The following RAB8B variants were observed in gnomAD, a reference collection of about 807,000 sequenced individuals.
The protein encoded by RAB8B is ras-related protein Rab-8B.
In RAB8B, 11 loss-of-function variants were observed where a neutral mutation model predicts 32.0. The ratio of observed to expected loss-of-function variants is 0.34; its 90% CI spans 0.22 to 0.57. The LOEUF (loss-of-function observed/expected upper bound fraction) is 0.57. Ranked by LOEUF, RAB8B falls within the 20% of genes least tolerant of loss-of-function variation. The pLI, the probability that RAB8B is intolerant of heterozygous loss-of-function variation, is 0.86. For missense variants in RAB8B, 190 were observed against 258.5 expected (o/e 0.73, Z 1.82); for synonymous variants, 103 against 89.6 (o/e 1.15, Z -0.85).
chr15:63,217,320 A>T (rs2037801329), intron 1 of RAB8B, among the ~76,000 whole-genome samples: 1 of 152,206 alleles, frequency 6.6e-6, no homozygotes, highest in South Asian at 2.1e-4. Context: ...CTTTACATTT[A>T]AAAATATTGA....
intron 1 of RAB8B, among the ~76,000 whole-genome samples, chr15:63,219,538 G>A (rs2037826073): frequency 6.6e-6 from 1 of 151,712 alleles, no homozygotes; most frequent in Non-Finnish European, 1.5e-5. Flanking sequence ...ACATGTAAGA[G>A]TAACAAGGAG....
chr15:63,208,759 A>C (rs1023705533), intron 1 of RAB8B, among the ~76,000 whole-genome samples: 1 of 151,666 alleles, frequency 6.6e-6, no homozygotes, highest in African/African-American at 2.4e-5. Context: ...CCCCCAACCC[A>C]ACCACCAAGA....
intron 6 of RAB8B, among the ~76,000 whole-genome samples, chr15:63,260,076 C>T (rs890818395): frequency 1.3e-5 from 2 of 152,096 alleles, no homozygotes; most frequent in African/African-American, 4.8e-5. Flanking sequence ...CTCGTGATCC[C>T]CTCTCCTTGG....
At chr15:63,223,708 T>A (rs1308726566) in intron 1 of RAB8B, 1 of 255,418 alleles carries the variant, frequency 3.9e-6, no homozygotes, top group Non-Finnish European at 8.2e-6. Context: ...TTGTACTGGT[T>A]GTTAAGTGAC....
In RAB8B at chr15:63,263,658, C is replaced by T; in HGVS notation, c.*39C>T. The T allele has an allele frequency of 6.7e-7, 1 of 1,501,106 alleles. No individual in the cohort carries two copies. Among genetic ancestry groups the T allele is most frequent in the Non-Finnish European group, 9.3e-7 (1 of 1,078,904 alleles). 93.0% of individuals were successfully genotyped at this position (1,501,106 alleles called of 1,614,324 possible). Reference sequence around the variant, plus strand: ...AGAGACTGCAGCACACCTAGAGGGCCCTTTCCTGCTTCTCTGAAAGCACAG... The same window carrying T: ...AGAGACTGCAGCACACCTAGAGGGCTCTTTCCTGCTTCTCTGAAAGCACAG... On this transcript the variant is annotated 3_prime_UTR_variant, in exon 8 of 8. Transcript: ENST00000321437.
chr15:63,213,472 T>C (rs1050750001), intron 1 of RAB8B, among the ~76,000 whole-genome samples: 1 of 152,226 alleles, frequency 6.6e-6, no homozygotes, highest in South Asian at 2.1e-4. Flanking sequence ...ACTGTACTTA[T>C]GCCTAAAACT....
rs568813617 is a variant in RAB8B, at chr15:63,234,347, A to G, written c.125-10409A>G. Reference sequence around the variant, plus strand: ...GGCAACCTCCCTATTCTCTTGAAACAGAAAAGATTATGTTATTAATATCTG... The same window carrying G: ...GGCAACCTCCCTATTCTCTTGAAACGGAAAAGATTATGTTATTAATATCTG... On this transcript the variant is annotated intron_variant, in intron 1 of 7. Transcript: ENST00000321437. Among the ~76,000 whole-genome samples, 15 of 152,340 alleles carry G rather than the reference A, an allele frequency of 9.8e-5. No individual in the cohort carries two copies. In the South Asian group the frequency reaches 2.9e-3, roughly 29 times the overall value.
At chr15:63,200,256 CAGA>C (rs1009956907) in intron 1 of RAB8B, among the ~76,000 whole-genome samples, 2 of 152,108 alleles carry the variant, frequency 1.3e-5, no homozygotes, top group African/African-American at 4.8e-5. Context: ...GACATGAAGA[CAGA>C]AGAAGAAGTA....
rs1041822386 is a variant in RAB8B at position 63,259,340 on chromosome 15, C to T, written c.415-287C>T. 2.6e-5 allele frequency among the ~76,000 whole-genome samples: 4 copies of T among 151,956 alleles called. No individual in the cohort carries two copies. Among genetic ancestry groups the T allele is most frequent in the African/African-American group, 7.2e-5 (3 of 41,388 alleles). ...TTCATCATGTTAGCAAGGAGGGTCTCGATCTCCTGACCTCGTGATCCGTCT... is the reference window on the plus strand; with the variant it reads ...TTCATCATGTTAGCAAGGAGGGTCTTGATCTCCTGACCTCGTGATCCGTCT... On this transcript the variant is annotated intron_variant, in intron 5 of 7. Coordinates refer to ENST00000321437, the MANE Select transcript of RAB8B (RefSeq NM_016530.3). The surrounding 1 kb of genome is among the most constrained non-coding windows in gnomAD (Gnocchi z 4.4).
Position 63,259,527 on chromosome 15 carries a change from G to A in RAB8B, c.415-100G>A. Reference sequence around the variant, plus strand: ...TGAGAACCACAGGAGTTCTGAAATAGATACCCTACCTTTGAGACTTTGAAA... The same window carrying A: ...TGAGAACCACAGGAGTTCTGAAATAAATACCCTACCTTTGAGACTTTGAAA... On this transcript the variant is annotated intron_variant, in intron 5 of 7. Coordinates refer to ENST00000321437, the MANE Select transcript of RAB8B (RefSeq NM_016530.3). This position sits in a 1 kb window ranked among gnomAD's most constrained non-coding sequence, Gnocchi z 4.4. 2.0e-6 allele frequency: 2 copies of A among 986,692 alleles called. No homozygotes were observed. Among genetic ancestry groups the A allele is most frequent in the Non-Finnish European group, 3.1e-6 (2 of 650,008 alleles). 61.1% of individuals were successfully genotyped at this position (986,692 alleles called of 1,614,324 possible).
intron 5 of RAB8B, among the ~76,000 whole-genome samples, chr15:63,257,921 T>C (rs913767588): frequency 6.6e-6 from 1 of 151,406 alleles, no homozygotes; most frequent in African/African-American, 2.4e-5. Flanking sequence ...TAGCCGGGCA[T>C]GGTGGCGTGC....
At chr15:63,233,629 A>C (rs536095395) in intron 1 of RAB8B, among the ~76,000 whole-genome samples, 1 of 152,330 alleles carries the variant, frequency 6.6e-6, no homozygotes, top group Admixed American at 6.5e-5. Context: ...CTTTATTGTT[A>C]ATCAAAATCT....
At chr15:63,231,490 C>T (rs1435224821) in intron 1 of RAB8B, among the ~76,000 whole-genome samples, 3 of 40,014 alleles carry the variant, frequency 7.5e-5, no homozygotes, top group South Asian at 1.6e-3. Flanking sequence ...CAGGGATTTG[C>T]GTGTTTTTTG....
At chr15:63,253,015 T>C (rs2038129825) in intron 3 of RAB8B, among the ~76,000 whole-genome samples, 1 of 152,238 alleles carries the variant, frequency 6.6e-6, no homozygotes, top group Non-Finnish European at 1.5e-5. Context: ...CCCAAAGTGC[T>C]GGGATTACAG....
chr15:63,211,662 GA>G lies in RAB8B; in HGVS notation c.124+21915del, dbSNP rs1217524608. ...GTTAAATCCAGTCATAGTTTTGGTG[GA>G]TTTTTTTTGCCAAGCACCGCATTTT... On this transcript the variant is annotated intron_variant, in intron 1 of 7. Coordinates refer to ENST00000321437, the MANE Select transcript of RAB8B (RefSeq NM_016530.3). Among the ~76,000 whole-genome samples, 3 of 152,142 alleles carry G rather than the reference GA, an allele frequency of 2.0e-5. No homozygotes were observed. The East Asian group carries it at 5.8e-4, about 29-fold the overall frequency.
intron 1 of RAB8B, among the ~76,000 whole-genome samples, chr15:63,225,507 A>G (rs534289141): frequency 3.3e-4 from 50 of 152,352 alleles, no homozygotes; most frequent in African/African-American, 1.1e-3. Context: ...TTTGGGTGAT[A>G]AATATATACT....
rs180992758 is a variant in RAB8B, at chr15:63,228,253, C to T, written c.125-16503C>T. 2.5e-4 allele frequency among the ~76,000 whole-genome samples: 38 copies of T among 152,256 alleles called. 1 individual carries two copies. Among genetic ancestry groups the T allele is most frequent in the Admixed American group, 1.7e-3 (26 of 15,294 alleles). ...CTGGTCTCAAACTCCTGGGCTCAAG[C>T]GATCCTCCTGCCTTGGTCTCCCAAA... On this transcript the variant is annotated intron_variant, in intron 1 of 7. Coordinates refer to ENST00000321437, the MANE Select transcript of RAB8B (RefSeq NM_016530.3).
Position 63,266,822 on chromosome 15 carries a change from T to C in RAB8B, c.*3203T>C, listed in dbSNP as rs2152587282. ...TTACAGGTTCTGAATGCTCAGAGTC[T>C]ATATTAAGGCTTATAAAGTTTTTCC... On this transcript the variant is annotated 3_prime_UTR_variant, in exon 8 of 8. Coordinates refer to ENST00000321437, the MANE Select transcript of RAB8B (RefSeq NM_016530.3). 6.5e-6 allele frequency: 1 copy of C among 152,756 alleles called. No homozygotes were observed. The highest frequency in any genetic ancestry group is 2.4e-5 in the African/African-American group (1 of 41,594). The allele number at this position is 152,756 out of a possible 1,614,324, so 9.5% of individuals were successfully genotyped here. A position where few individuals can be genotyped will look rare whatever the true frequency, so the allele number is the denominator to read the frequency against.
chr15:63,197,345 T>TCTTTCTTTCTTTC (rs1433111924), intron 1 of RAB8B, among the ~76,000 whole-genome samples: 19 of 146,492 alleles, frequency 1.3e-4, no homozygotes, highest in African/African-American at 4.4e-4. Flanking sequence ...TTCTTTTTTT[T>TCTTTCTTTCTTTC]TTTCTTTCTT....
Sources: allele counts gnomAD v4.1 joint callset (sites outside exome capture counted in the v4.1 genomes callset), GRCh38; gene constraint gnomAD v4.1.1; non-coding constraint Gnocchi (gnomAD v3.1); transcripts MANE v1.5; gene names NCBI Gene and HGNC (gene_info 2026-07-23, HGNC 2026-07-21).